The following DPYD variants were observed in gnomAD, a reference collection of about 807,000 sequenced individuals.
The protein encoded by DPYD is dihydropyrimidine dehydrogenase [NADP(+)].
A neutral mutation model predicts 116.2 loss-of-function variants in DPYD; 109 were observed. The observed-to-expected ratio is 0.94, with a 90% CI of 0.80 to 1.10. DPYD has a LOEUF of 1.10. Ranked by LOEUF, DPYD falls within the 50% of genes least tolerant of loss-of-function variation. The pLI is 0.00. For synonymous variants in DPYD, 440 were observed against 432.0 expected (o/e 1.02, Z -0.23); for missense variants, 1,302 against 1,254.5 (o/e 1.04, Z -0.57).
intron 8 of DPYD, among the ~76,000 whole-genome samples, chr1:97,670,233 C>A (rs977934653): frequency 6.6e-6 from 1 of 152,118 alleles, no homozygotes; most frequent in Non-Finnish European, 1.5e-5. Context: ...GAGGACAATG[C>A]AGACCTATAG....
intron 18 of DPYD, among the ~76,000 whole-genome samples, chr1:97,292,188 T>C (rs563270478): frequency 2.0e-5 from 3 of 152,260 alleles, no homozygotes; most frequent in South Asian, 4.1e-4. Flanking sequence ...ACTATTATCA[T>C]ACTAAAGACT....
chr1:97,169,643 C>G (rs1185455344), intron 20 of DPYD, among the ~76,000 whole-genome samples: 1 of 151,842 alleles, frequency 6.6e-6, no homozygotes, highest in Non-Finnish European at 1.5e-5. Flanking sequence ...TCCACACTTT[C>G]CTCTTTTAAT....
chr1:97,361,331 A>G (rs1370264326), intron 16 of DPYD, among the ~76,000 whole-genome samples: 1 of 152,158 alleles, frequency 6.6e-6, no homozygotes, highest in Non-Finnish European at 1.5e-5. Flanking sequence ...CAACCAAAAA[A>G]AGTCCAGGAC....
chr1:97,426,024 AAAT>A (rs1325267972), intron 14 of DPYD, among the ~76,000 whole-genome samples: 1 of 152,004 alleles, frequency 6.6e-6, no homozygotes, highest in African/African-American at 2.4e-5. Context: ...TATTCTATGA[AAAT>A]AATTTCATTA....
chr1:97,529,689 TTTC>T (rs1405679456), intron 12 of DPYD, among the ~76,000 whole-genome samples: 1 of 150,554 alleles, frequency 6.6e-6, no homozygotes, highest in Admixed American at 6.6e-5. Flanking sequence ...TTTTCTTTTC[TTTC>T]TTTCCTTTCT....
At chr1:97,893,645 A>G (rs575104408) in intron 1 of DPYD, among the ~76,000 whole-genome samples, 2 of 151,556 alleles carry the variant, frequency 1.3e-5, no homozygotes, top group Middle Eastern at 3.4e-3. Context: ...TCCCTTCAGA[A>G]TGCTCATCAT....
chr1:97,920,161 ATATT>A (rs1674434451), intron 1 of DPYD, among the ~76,000 whole-genome samples: 1 of 152,190 alleles, frequency 6.6e-6, no homozygotes, highest in Non-Finnish European at 1.5e-5. Context: ...TTCATCGCAT[ATATT>A]AAGATACTAG....
intron 3 of DPYD, among the ~76,000 whole-genome samples, chr1:97,794,740 C>T (rs1247415781): frequency 6.6e-5 from 10 of 152,078 alleles, no homozygotes; most frequent in Admixed American, 4.6e-4. Flanking sequence ...AAAGTCACCA[C>T]GCTTATTTCA....
At chr1:97,340,217 A>G (rs1669523094) in intron 16 of DPYD, among the ~76,000 whole-genome samples, 1 of 152,146 alleles carries the variant, frequency 6.6e-6, no homozygotes, top group South Asian at 2.1e-4. Flanking sequence ...AAAGAAAAAA[A>G]GAATGCAGGA....
chr1:97,220,138 T>G (rs914493300), intron 19 of DPYD, among the ~76,000 whole-genome samples: 15 of 152,118 alleles, frequency 9.9e-5, no homozygotes, highest in Middle Eastern at 3.4e-3. Context: ...AGAGGTGGGG[T>G]CTGTAAGAGG....
At chr1:97,826,796 C>A (rs1462788978) in intron 3 of DPYD, among the ~76,000 whole-genome samples, 2 of 151,986 alleles carry the variant, frequency 1.3e-5, no homozygotes, top group East Asian at 1.9e-4. Context: ...TATATAGATA[C>A]AAATTCTCTA....
At chr1:97,496,420 C>T (rs749052173) in intron 13 of DPYD, among the ~76,000 whole-genome samples, 1 of 152,038 alleles carries the variant, frequency 6.6e-6, no homozygotes, top group African/African-American at 2.4e-5. Context: ...AGATAATCCT[C>T]TCTAAAATGC....
intron 14 of DPYD, among the ~76,000 whole-genome samples, chr1:97,405,758 C>A (rs1012229651): frequency 6.6e-6 from 1 of 152,136 alleles, no homozygotes; most frequent in Non-Finnish European, 1.5e-5. Context: ...CTCAAGTGAT[C>A]CACCCATCTT....
chr1:97,496,005 T>C (rs772964328), intron 13 of DPYD, among the ~76,000 whole-genome samples: 4 of 152,148 alleles, frequency 2.6e-5, no homozygotes, highest in African/African-American at 9.6e-5. Flanking sequence ...AGTTTTCTTT[T>C]GATATTGAAA....
At chr1:97,711,739 T>C (rs1249635475) in intron 5 of DPYD, among the ~76,000 whole-genome samples, 1 of 151,968 alleles carries the variant, frequency 6.6e-6, no homozygotes. Context: ...GAATATTACA[T>C]CTTTTAAGAG....
intron 12 of DPYD, among the ~76,000 whole-genome samples, chr1:97,538,282 C>T (rs1650169040): frequency 6.6e-6 from 1 of 152,156 alleles, no homozygotes; most frequent in South Asian, 2.1e-4. Flanking sequence ...CCACAGCTAC[C>T]ATTTGTACTC....
At chr1:97,702,209 C>A (rs1661637154) in intron 5 of DPYD, among the ~76,000 whole-genome samples, 2 of 151,146 alleles carry the variant, frequency 1.3e-5, no homozygotes, top group South Asian at 4.1e-4. Context: ...AAAGGTTTCA[C>A]ATACTTTTCA....
chr1:97,207,406 T>C (rs1457342942), intron 19 of DPYD, among the ~76,000 whole-genome samples: 1 of 152,164 alleles, frequency 6.6e-6, no homozygotes, highest in East Asian at 1.9e-4. Flanking sequence ...ACTCTACTTC[T>C]TCAGCATTTT....
At chr1:97,329,436 T>TA (rs1345855784) in intron 16 of DPYD, among the ~76,000 whole-genome samples, 1 of 152,036 alleles carries the variant, frequency 6.6e-6, no homozygotes, top group East Asian at 1.9e-4. Flanking sequence ...CTGTGGCTAC[T>TA]AATGGGTAAG....
Sources: gnomAD v4.1 joint callset for allele counts (sites outside exome capture counted in the v4.1 genomes callset) on GRCh38, gnomAD v4.1.1 for gene constraint, MANE v1.5 for transcripts, NCBI Gene and HGNC (gene_info 2026-07-23, HGNC 2026-07-21) for gene names.